WRN: variants seen among roughly 807,000 people sequenced by gnomAD.
WRN encodes bifunctional 3'-5' exonuclease/ATP-dependent helicase WRN.
WRN carries 149 observed loss-of-function variants against 180.7 expected under a neutral mutation model. The observed-to-expected ratio is 0.82, with a 90% CI of 0.72 to 0.94. The LOEUF is 0.94. Among genes scored for constraint, WRN ranks in the 40% least tolerant of loss-of-function variants. The pLI is 0.00. For synonymous variants in WRN, 548 were observed against 568.9 expected, an observed-to-expected ratio of 0.96 and a Z score of 0.52; for missense variants, 1,661 against 1,700.1, an observed-to-expected ratio of 0.98 and a Z score of 0.40.
intron 24 of WRN, among the ~76,000 whole-genome samples, chr8:31,136,570 C>T (rs1220857919): frequency 2.0e-5 from 3 of 152,188 alleles, no homozygotes; most frequent in Non-Finnish European, 4.4e-5. Context: ...CATGGTAGCT[C>T]ACACCTGTAA....
intron 30 of WRN, among the ~76,000 whole-genome samples, chr8:31,149,172 C>T (rs1319841617): frequency 3.3e-5 from 5 of 151,896 alleles, no homozygotes; most frequent in Non-Finnish European, 7.4e-5. Context: ...CCGAGGCGGG[C>T]GGATCACGAG....
chr8:31,117,818 GTC>G (rs1266681555), intron 20 of WRN, among the ~76,000 whole-genome samples: 1 of 152,068 alleles, frequency 6.6e-6, no homozygotes, highest in Non-Finnish European at 1.5e-5. Flanking sequence ...AAAGCATCTG[GTC>G]TCTCTTTTCC....
intron 34 of WRN, among the ~76,000 whole-genome samples, chr8:31,169,309 CG>C (rs1378567832): frequency 4.6e-5 from 7 of 151,184 alleles, no homozygotes; most frequent in African/African-American, 1.7e-4. Context: ...TATTTTAAAA[CG>C]TTTTTTAGAT....
intron 1 of WRN, among the ~76,000 whole-genome samples, chr8:31,048,100 CAGTT>C (rs1476379080): frequency 6.6e-6 from 1 of 152,096 alleles, no homozygotes; most frequent in Non-Finnish European, 1.5e-5. Context: ...TAATATTTGA[CAGTT>C]AGGAAAAATT....
chr8:31,112,741 C>T (rs1801366882), intron 19 of WRN, among the ~76,000 whole-genome samples: 1 of 152,044 alleles, frequency 6.6e-6, no homozygotes, highest in African/African-American at 2.4e-5. Context: ...TGTGCGCCAC[C>T]ATGCCAGGCT....
chr8:31,080,285 A>G (rs575519475), intron 8 of WRN, among the ~76,000 whole-genome samples: 1 of 152,292 alleles, frequency 6.6e-6, no homozygotes, highest in East Asian at 1.9e-4. Context: ...GGAGTTCTGC[A>G]TAGTGTTTCT....
chr8:31,075,618 G>T (rs1325871935), intron 7 of WRN, among the ~76,000 whole-genome samples: 2 of 151,990 alleles, frequency 1.3e-5, no homozygotes, highest in Admixed American at 6.6e-5. Context: ...TACTCCGGGG[G>T]CTAGGGAATG....
intron 18 of WRN, among the ~76,000 whole-genome samples, chr8:31,108,945 C>T (rs977497375): frequency 6.6e-6 from 1 of 152,192 alleles, no homozygotes; most frequent in African/African-American, 2.4e-5. Flanking sequence ...GAGTTGCCTC[C>T]AGTCTTTGGA....
intron 20 of WRN, among the ~76,000 whole-genome samples, chr8:31,116,923 G>C (rs1801545246): frequency 6.6e-6 from 1 of 152,226 alleles, no homozygotes; most frequent in African/African-American, 2.4e-5. Context: ...CACATACTGG[G>C]TTCAGGAAAT....
intron 11 of WRN, among the ~76,000 whole-genome samples, chr8:31,086,279 T>C (rs1166868325): frequency 6.6e-6 from 1 of 152,066 alleles, no homozygotes; most frequent in Non-Finnish European, 1.5e-5. Context: ...TGAGTAAGAA[T>C]GTATATTCTA....
chr8:31,142,578 A>G (rs746664900), intron 26 of WRN, 48 bp from the exon 27 acceptor site: 24 of 1,384,870 alleles, frequency 1.7e-5, no homozygotes, highest in Admixed American at 5.5e-5. Flanking sequence ...CATGAATTAG[A>G]TACTTGCATC....
Position 31,071,057 on chromosome 8 carries a change from A to G in WRN, c.724+2730A>G, listed in dbSNP as rs991329246. On this transcript the variant is annotated intron_variant, in intron 7 of 34. Coordinates refer to ENST00000298139, the MANE Select transcript of WRN (RefSeq NM_000553.6). ...AGACTCTGTCTCAGAAAAAAAAAAA[A>G]AAAAAAGTTAGCTAGCTGAAGAGTA... Among the ~76,000 whole-genome samples, 559 of 152,054 alleles carry G rather than the reference A, an allele frequency of 3.7e-3. 3 individuals are homozygous for G. Among genetic ancestry groups the G allele is most frequent in the African/African-American group, 0.013 (536 of 41,480 alleles).
Position 31,076,169 on chromosome 8 carries a change from C to T in WRN, c.725-4C>T, listed in dbSNP as rs1051733127. 7.5e-6 allele frequency: 12 copies of T among 1,609,340 alleles called. No homozygotes were observed. The highest frequency in any genetic ancestry group is 3.3e-4 in the Middle Eastern group (2 of 6,076). On this transcript the variant is annotated splice_region_variant and splice_polypyrimidine_tract_variant and intron_variant, in intron 7 of 34. Coordinates refer to ENST00000298139, the MANE Select transcript of WRN (RefSeq NM_000553.6). ...AAATTAATATTGATTTTTTTTCCCCCTAGAGGAAGAAATCCTACTTAGCGA... is the reference window on the plus strand; with the variant it reads ...AAATTAATATTGATTTTTTTTCCCCTTAGAGGAAGAAATCCTACTTAGCGA...
rs545168763 is a variant in WRN at position 31,167,167 on chromosome 8, C to T, written c.4128C>T (p.Pro1376=). The T allele has an allele frequency of 9.3e-6, 15 of 1,613,030 alleles. No individual in the cohort carries two copies. Among genetic ancestry groups the T allele is most frequent in the Admixed American group, 8.3e-5 (5 of 59,886 alleles). Residue 1376 remains proline (P), a synonymous_variant, in exon 34 of 35, where the codon CCC becomes CCT. Transcript: ENST00000298139. ...ATGTCAACAAAAGGAGATGTTTTCCCGGTTCTGAAGAGATCTGTTCAAGTT... is the reference window on the plus strand; with the variant it reads ...ATGTCAACAAAAGGAGATGTTTTCCTGGTTCTGAAGAGATCTGTTCAAGTT... ...SCDVNKRRCF[P]GSEEICSSSK...
intron 14 of WRN, 77 bp downstream of exon 14, chr8:31,090,609 A>T: frequency 2.8e-6 from 4 of 1,412,008 alleles, no homozygotes; most frequent in Non-Finnish European, 4.0e-6. Context: ...ATCTTTCATT[A>T]AACTCTCAAA....
chr8:31,106,600 T>C (rs1277295614), intron 18 of WRN, among the ~76,000 whole-genome samples: 1 of 152,132 alleles, frequency 6.6e-6, no homozygotes, highest in African/African-American at 2.4e-5. Context: ...CCACATTGTC[T>C]ATAGGATGTT....
rs71206298 is a variant in WRN at position 31,122,860 on chromosome 8, GTTTTTTTTTTTTTT to G, written c.2631-1650_2631-1637del. ...GAAGAGTGTGGGCATTTCTTTTCTTGTTTTTTTTTTTTTTTTTTTTTTTTTCTATAGGAGGGGAA... is the reference window on the plus strand; with the variant it reads ...GAAGAGTGTGGGCATTTCTTTTCTTGTTTTTTTTTTTCTATAGGAGGGGAA... On this transcript the variant is annotated intron_variant, in intron 21 of 34. Transcript: ENST00000298139. Among the ~76,000 whole-genome samples, 30 of 69,482 alleles carry G rather than the reference GTTTTTTTTTTTTTT, an allele frequency of 4.3e-4. No individual in the cohort carries two copies. The East Asian group carries it at 5.7e-3, about 13-fold the overall frequency. The allele number at this position is 69,482 out of a possible 152,430, so 45.6% of individuals were successfully genotyped here. A position where few individuals can be genotyped will look rare whatever the true frequency, so the allele number is the denominator to read the frequency against.
At chr8:31,076,904 T>C (rs1813114620) in intron 8 of WRN, among the ~76,000 whole-genome samples, 1 of 152,192 alleles carries the variant, frequency 6.6e-6, no homozygotes, top group Non-Finnish European at 1.5e-5. Flanking sequence ...GGCTATGTCT[T>C]TTTGGAATCA....
chr8:31,096,735 TTTTTTTC>T lies in WRN; in HGVS notation c.1899-21_1899-15del, dbSNP rs751031502. 10 of 1,532,094 alleles carry T rather than the reference TTTTTTTC, an allele frequency of 6.5e-6. No homozygotes were observed. In the East Asian group the frequency reaches 9.1e-5, roughly 14 times the overall value. 94.9% of individuals were successfully genotyped at this position (1,532,094 alleles called of 1,614,324 possible). On this transcript the variant is annotated intron_variant, in intron 16 of 34. Coordinates refer to ENST00000298139, the MANE Select transcript of WRN (RefSeq NM_000553.6). The stretch of plus-strand genomic sequence containing the variant: ...TAATATGTTTCCCTTCCTGTTTTTT[TTTTTTTC>T]TTTTTTCTTTTGTTTGTTTTTACAG...
Sources: gnomAD v4.1 joint callset for allele counts (sites outside exome capture counted in the v4.1 genomes callset) on GRCh38, gnomAD v4.1.1 for gene constraint, MANE v1.5 for transcripts, NCBI Gene and HGNC (gene_info 2026-07-23, HGNC 2026-07-21) for gene names.